The following MALT1 variants were observed in gnomAD, a reference collection of about 807,000 sequenced individuals.
MALT1 encodes the protein mucosa-associated lymphoid tissue lymphoma translocation protein 1.
MALT1 carries 36 observed loss-of-function variants against 85.5 expected under a neutral mutation model. That is an observed-to-expected ratio of 0.42 (90% CI 0.32 to 0.56). MALT1 has a LOEUF of 0.56. MALT1 is among the 20% of genes least tolerant of loss of function. The pLI, the probability that MALT1 is intolerant of heterozygous loss-of-function variation, is 0.10. For synonymous variants in MALT1, 359 were observed against 361.3 expected (o/e 0.99, Z 0.07); for missense variants, 716 against 981.6 (o/e 0.73, Z 3.62).
At chr18:58,724,803 G>A (rs1389011547) in intron 10 of MALT1, among the ~76,000 whole-genome samples, 1 of 152,128 alleles carries the variant, frequency 6.6e-6, no homozygotes, top group Non-Finnish European at 1.5e-5. Context: ...GAGCCCAGGA[G>A]TTTGAGACCA....
At chr18:58,687,734 A>G (rs933422322) in intron 2 of MALT1, among the ~76,000 whole-genome samples, 1 of 152,250 alleles carries the variant, frequency 6.6e-6, no homozygotes, top group African/African-American at 2.4e-5. Context: ...GTGAGAGAGA[A>G]TAACTTCAAG....
intron 1 of MALT1, among the ~76,000 whole-genome samples, chr18:58,680,703 C>T (rs947793562): frequency 6.6e-6 from 1 of 152,092 alleles, no homozygotes; most frequent in African/African-American, 2.4e-5. Flanking sequence ...GCAGGTGGAT[C>T]ATGAGGTCAG....
At chr18:58,681,148 G>A (rs908211578) in intron 1 of MALT1, 22 bp from the exon 2 acceptor site, 17 of 1,610,112 alleles carry the variant, frequency 1.1e-5, no homozygotes, top group Non-Finnish European at 1.4e-5. Flanking sequence ...CTGTTGACTT[G>A]AATTCTTTCT....
chr18:58,730,996 G>A (rs1490726359), intron 10 of MALT1, among the ~76,000 whole-genome samples: 4 of 152,096 alleles, frequency 2.6e-5, no homozygotes, highest in Admixed American at 2.6e-4. Context: ...TGTTGCCCAG[G>A]CTGGAGTGCT....
intron 16 of MALT1, among the ~76,000 whole-genome samples, chr18:58,746,058 C>T (rs1602345790): frequency 6.6e-6 from 1 of 152,050 alleles, no homozygotes; most frequent in Admixed American, 6.5e-5. Context: ...AACTCTGTCA[C>T]CCAGGCTGGA....
In MALT1 at chr18:58,748,380, T is replaced by TTA. The variant is rs937033623; in HGVS notation, c.*549_*550dup. 13 of 178,972 alleles carry TTA rather than the reference T, an allele frequency of 7.3e-5. No individual in the cohort carries two copies. The highest frequency in any genetic ancestry group is 2.0e-4 in the South Asian group (1 of 5,032). The allele number at this position is 178,972 out of a possible 1,614,324, so 11.1% of individuals were successfully genotyped here. A position where few individuals can be genotyped will look rare whatever the true frequency, so the allele number is the denominator to read the frequency against. On this transcript the variant is annotated 3_prime_UTR_variant, in exon 17 of 17. Coordinates refer to ENST00000649217, the MANE Select transcript of MALT1 (RefSeq NM_006785.4). Reference sequence around the variant, plus strand: ...TGTTTGTAGATAGAGTGAAATATATTTATATATATATAAATATATACAGAT... The same window carrying TTA: ...TGTTTGTAGATAGAGTGAAATATATTTATATATATATATAAATATATACAGAT...
intron 9 of MALT1, 57 bp from the exon 10 acceptor site, chr18:58,722,991 G>T (rs1282317832): frequency 1.7e-6 from 2 of 1,191,322 alleles, no homozygotes; most frequent in African/African-American, 3.0e-5. Context: ...CATCTCCATA[G>T]GTTTTGTTTT....
Position 58,720,856 on chromosome 18 carries a change from C to T in MALT1, c.1019-2192C>T, listed in dbSNP as rs2054972956. ...TTTACTACCCCAGTAACTTTTTAAC[C>T]TCTTGCTGTAAACCTATGATTTGGA... On this transcript the variant is annotated intron_variant, in intron 9 of 16. Transcript: ENST00000649217. 2.0e-5 allele frequency among the ~76,000 whole-genome samples: 3 copies of T among 152,118 alleles called. No individual in the cohort carries two copies. In the South Asian group the frequency reaches 6.2e-4, roughly 32 times the overall value.
intron 7 of MALT1, among the ~76,000 whole-genome samples, chr18:58,711,605 A>G (rs1211343137): frequency 2.0e-5 from 3 of 152,190 alleles, no homozygotes; most frequent in Admixed American, 6.5e-5. Context: ...GTAATGAGTA[A>G]ATATTAAAAT....
chr18:58,713,096 T>C (rs1473655292), intron 7 of MALT1, among the ~76,000 whole-genome samples: 1 of 152,008 alleles, frequency 6.6e-6, no homozygotes, highest in African/African-American at 2.4e-5. Context: ...AGCCTAATAC[T>C]GAAGGCAAAA....
chr18:58,719,373 G>C (rs1416530997), intron 9 of MALT1, among the ~76,000 whole-genome samples: 2 of 151,520 alleles, frequency 1.3e-5, no homozygotes, highest in African/African-American at 4.9e-5. Flanking sequence ...CCCTCTCCTT[G>C]TCTGTCTCTC....
rs769342138 is a variant in MALT1, at chr18:58,747,620, C to T, written c.2253C>T (p.His751=). The change falls in exon 17 of 17, where the codon CAC becomes CAT. Residue 751 remains histidine, a synonymous_variant. Transcript: ENST00000649217. ...CCTCAGGAGGAGCAGGGCATTATCA[C>T]TCATTGCAAGACCCATTCCATGGTG... ...AATSGGAGHY[H]SLQDPFHGVY... is the part of the protein sequence containing the mutation. The T allele has an allele frequency of 6.2e-7, 1 of 1,614,192 alleles. No individual in the cohort carries two copies. The highest frequency in any genetic ancestry group is 8.5e-7 in the Non-Finnish European group (1 of 1,180,010).
At chr18:58,699,765 A>G (rs143456598) in intron 3 of MALT1, among the ~76,000 whole-genome samples, 37 of 152,340 alleles carry the variant, frequency 2.4e-4, no homozygotes, top group African/African-American at 8.2e-4. Flanking sequence ...CAATGTGCCA[A>G]AGTTGGGTGT....
intron 1 of MALT1, among the ~76,000 whole-genome samples, chr18:58,679,010 TGTTG>T (rs1602272374): frequency 6.6e-6 from 1 of 152,234 alleles, no homozygotes; most frequent in African/African-American, 2.4e-5. Flanking sequence ...GGTTGGCTGT[TGTTG>T]GTTATGTTTC....
intron 13 of MALT1, among the ~76,000 whole-genome samples, chr18:58,735,982 G>A (rs1205458308): frequency 6.6e-6 from 1 of 151,996 alleles, no homozygotes; most frequent in Non-Finnish European, 1.5e-5. Flanking sequence ...CATTTTATAA[G>A]CCATAGCAAA....
chr18:58,671,965 T>C (rs1181695527), intron 1 of MALT1, 113 bp downstream of exon 1: 1 of 658,102 alleles, frequency 1.5e-6, no homozygotes, highest in South Asian at 7.7e-5. Context: ...CCGGCGTGAG[T>C]GAGCGGAGGT....
chr18:58,692,431 TCTCTCACTCTCTCCCTCCCTCCCTCC>T (rs2054521908), intron 2 of MALT1, among the ~76,000 whole-genome samples: 1 of 81,602 alleles, frequency 1.2e-5, no homozygotes, highest in Non-Finnish European at 2.5e-5. Flanking sequence ...TCTCTCTCTC[TCTCTCACTCTCTCCCTCCCTCCCTCC>T]CTCCCTCCCT....
chr18:58,729,255 C>G (rs550263437), intron 10 of MALT1, among the ~76,000 whole-genome samples: 4 of 151,850 alleles, frequency 2.6e-5, no homozygotes, highest in Non-Finnish European at 5.9e-5. Flanking sequence ...TTTGGGAGGC[C>G]GAGGCAGGCA....
At position 58,683,823 on chromosome 18, in the gene MALT1, C is replaced by T. The variant is rs184133369; in HGVS notation, c.376+2487C>T. On this transcript the variant is annotated intron_variant, in intron 2 of 16. Coordinates refer to ENST00000649217, the MANE Select transcript of MALT1 (RefSeq NM_006785.4). Reference sequence around the variant, plus strand: ...AAGATTATCTCATAGGGCTTTTTTGCATTTGAGGAGAGAATAGGAAAGGAA... The same window carrying T: ...AAGATTATCTCATAGGGCTTTTTTGTATTTGAGGAGAGAATAGGAAAGGAA... Among the ~76,000 whole-genome samples the T allele has an allele frequency of 7.3e-4, 111 of 152,206 alleles. 1 individual carries two copies. The highest frequency in any genetic ancestry group is 6.5e-3 in the Admixed American group (99 of 15,298).
Sources: allele counts gnomAD v4.1 joint callset (sites outside exome capture counted in the v4.1 genomes callset), GRCh38; gene constraint gnomAD v4.1.1; transcripts MANE v1.5; gene names NCBI Gene and HGNC (gene_info 2026-07-23, HGNC 2026-07-21).